The following CIT variants were observed in gnomAD, a reference collection of about 807,000 sequenced individuals.
CIT encodes citron Rho-interacting kinase.
CIT carries 79 observed loss-of-function variants against 272.7 expected under a neutral mutation model. The ratio of observed to expected loss-of-function variants is 0.29; its 90% CI spans 0.24 to 0.35. The LOEUF (loss-of-function observed/expected upper bound fraction) is 0.35. CIT is among the 10% of genes least tolerant of loss of function. CIT has a pLI of 1.00. For missense variants in CIT, 1,909 were observed against 2,618.3 expected, an observed-to-expected ratio of 0.73 and a Z score of 5.91; for synonymous variants, 948 against 995.6, an observed-to-expected ratio of 0.95 and a Z score of 0.90.
intron 46 of CIT, among the ~76,000 whole-genome samples, chr12:119,691,029 G>A (rs890697826): frequency 1.1e-4 from 17 of 152,050 alleles, no homozygotes; most frequent in African/African-American, 3.1e-4. Context: ...AAAATTAGCC[G>A]GGCGTGTTGG....
At chr12:119,759,637 C>T (rs1222754029) in intron 20 of CIT, among the ~76,000 whole-genome samples, 2 of 151,806 alleles carry the variant, frequency 1.3e-5, no homozygotes, top group Non-Finnish European at 2.9e-5. Context: ...CAGAGCAAGA[C>T]TCCGTCTCAA....
At chr12:119,836,084 C>T (rs562857685) in intron 5 of CIT, among the ~76,000 whole-genome samples, 4 of 151,804 alleles carry the variant, frequency 2.6e-5, no homozygotes, top group Admixed American at 6.6e-5. Context: ...GTCAAGAGAT[C>T]GAGACCACCC....
chr12:119,823,665 T>G (rs76703053), intron 8 of CIT, among the ~76,000 whole-genome samples: 2,233 of 152,192 alleles, frequency 0.015, 31 homozygotes, highest in Non-Finnish European at 0.02. Context: ...GAAAATTAGG[T>G]GAGATACAAA....
chr12:119,740,800 C>T (rs1024250618), intron 24 of CIT, among the ~76,000 whole-genome samples: 4 of 152,080 alleles, frequency 2.6e-5, no homozygotes. Context: ...AATCCTAGGG[C>T]AGAAAACTAC....
Position 119,735,322 on chromosome 12 carries a change from C to T in CIT, c.2994G>A (p.Leu998=). ...TGTTGAGTTCAGCGTTGTCCTCGGTCAGCTGGTTTAGCTGCTCCTCCAGGT... is the reference window on the plus strand; with the variant it reads ...TGTTGAGTTCAGCGTTGTCCTCGGTTAGCTGGTTTAGCTGCTCCTCCAGGT... ...ITDLEEQLNQ[L]TEDNAELNNQ... is the part of the protein sequence containing the mutation. Residue 998 remains leucine (L), a synonymous_variant, in exon 25 of 48, where the codon CTG becomes CTA. Coordinates refer to ENST00000392521, the MANE Select transcript of CIT (RefSeq NM_001206999.2). 6 of 1,614,184 alleles carry T rather than the reference C, an allele frequency of 3.7e-6. No homozygotes were observed. Among genetic ancestry groups the T allele is most frequent in the Non-Finnish European group, 5.1e-6 (6 of 1,180,036 alleles).
At chr12:119,849,236 G>A (rs575504581) in intron 5 of CIT, among the ~76,000 whole-genome samples, 4 of 152,244 alleles carry the variant, frequency 2.6e-5, no homozygotes, top group African/African-American at 7.2e-5. Context: ...CGGCCAGCCC[G>A]GCCAACGTGG....
rs148188101 is a variant in CIT, at chr12:119,705,771, CAAAAAAAA to C, written c.5212-1324_5212-1317del. Among the ~76,000 whole-genome samples the C allele has an allele frequency of 1.5e-4, 7 of 46,618 alleles. No individual in the cohort carries two copies. The Admixed American group carries it at 1.7e-3, about 12-fold the overall frequency. 30.6% of individuals were successfully genotyped at this position (46,618 alleles called of 152,430 possible). A position where few individuals can be genotyped will look rare whatever the true frequency, so the allele number is the denominator to read the frequency against. ...TGGGTGACAGAGTGAGACTCTGTCT[CAAAAAAAA>C]AAAAAAAAAAAAAAAAAAAAAAAAT... On this transcript the variant is annotated intron_variant, in intron 40 of 47. Transcript: ENST00000392521.
In CIT at chr12:119,765,294, T is replaced by C. The variant is rs971673448; in HGVS notation, c.2304+1793A>G. 2.7e-5 allele frequency among the ~76,000 whole-genome samples: 4 copies of C among 149,912 alleles called. No individual in the cohort carries two copies. In the East Asian group the frequency reaches 5.8e-4, roughly 22 times the overall value. On this transcript the variant is annotated intron_variant, in intron 19 of 47. Coordinates refer to ENST00000392521, the MANE Select transcript of CIT (RefSeq NM_001206999.2). Reference sequence around the variant, plus strand: ...GTCATGTGCCTATAGTCCCAGCTACTTGGGTGGCTGAGGAGGGAAGATCAC... The same window carrying C: ...GTCATGTGCCTATAGTCCCAGCTACCTGGGTGGCTGAGGAGGGAAGATCAC...
chr12:119,875,427 CA>C (rs1950813718), intron 2 of CIT, among the ~76,000 whole-genome samples: 1 of 152,034 alleles, frequency 6.6e-6, no homozygotes. Flanking sequence ...GTCTTTTTTC[CA>C]AAAGAATCAG....
At chr12:119,826,383 G>A (rs944128023) in intron 7 of CIT, among the ~76,000 whole-genome samples, 12 of 152,102 alleles carry the variant, frequency 7.9e-5, no homozygotes, top group Admixed American at 1.3e-4. Context: ...AAAGCTAAAT[G>A]TAACCCATTT....
chr12:119,769,607 T>C (rs7294387), intron 18 of CIT, among the ~76,000 whole-genome samples: 68,904 of 151,946 alleles, frequency 0.45, 16,373 homozygotes, highest in Admixed American at 0.56. Flanking sequence ...AATTTTATAC[T>C]CATGATAAAA....
At chr12:119,765,412 T>A (rs1232336069) in intron 19 of CIT, among the ~76,000 whole-genome samples, 1 of 145,202 alleles carries the variant, frequency 6.9e-6, no homozygotes, top group Non-Finnish European at 1.5e-5. Context: ...ATATAACATA[T>A]ATATATATTT....
At chr12:119,751,974 G>C in intron 23 of CIT, 76 bp downstream of exon 23, 21 of 1,291,998 alleles carry the variant, frequency 1.6e-5, no homozygotes, top group Non-Finnish European at 2.3e-5. Flanking sequence ...GGGTGAGCCA[G>C]TATACTCAGT....
chr12:119,766,164 C>T (rs1962431275), intron 19 of CIT, among the ~76,000 whole-genome samples: 1 of 151,984 alleles, frequency 6.6e-6, no homozygotes, highest in Non-Finnish European at 1.5e-5. Context: ...TGCAGCCAAT[C>T]ACCATGGCAC....
chr12:119,838,993 C>T lies in CIT; in HGVS notation c.517-4765G>A, dbSNP rs572757919. 5.9e-5 allele frequency among the ~76,000 whole-genome samples: 9 copies of T among 152,336 alleles called. No homozygotes were observed. The East Asian group carries it at 1.5e-3, about 26-fold the overall frequency. ...CAGAGAAAGCACAGCAGCTGACAGACGAGCCTGGCTTGGAGCTATAATGGA... is the reference window on the plus strand; with the variant it reads ...CAGAGAAAGCACAGCAGCTGACAGATGAGCCTGGCTTGGAGCTATAATGGA... On this transcript the variant is annotated intron_variant, in intron 5 of 47. Coordinates refer to ENST00000392521, the MANE Select transcript of CIT (RefSeq NM_001206999.2).
chr12:119,695,998 TG>T (rs1956204897), intron 46 of CIT, among the ~76,000 whole-genome samples: 1 of 152,226 alleles, frequency 6.6e-6, no homozygotes, highest in South Asian at 2.1e-4. Flanking sequence ...TTTCAATCCA[TG>T]GTTTATTGAA....
intron 9 of CIT, among the ~76,000 whole-genome samples, chr12:119,809,524 G>T (rs1481298552): frequency 6.6e-6 from 1 of 152,064 alleles, no homozygotes; most frequent in Non-Finnish European, 1.5e-5. Context: ...TGTTATTTAG[G>T]GGTGCTTTAG....
intron 23 of CIT, among the ~76,000 whole-genome samples, chr12:119,751,536 C>G (rs2137410663): frequency 6.6e-6 from 1 of 150,608 alleles, no homozygotes; most frequent in Non-Finnish European, 1.5e-5. Flanking sequence ...AAGAATCTTT[C>G]ATTCAGTAGA....
At chr12:119,725,249 C>G (rs1316326735) in intron 28 of CIT, among the ~76,000 whole-genome samples, 2 of 151,948 alleles carry the variant, frequency 1.3e-5, no homozygotes, top group Non-Finnish European at 2.9e-5. Context: ...ATCGTGAAAC[C>G]TTGTCTCTAC....
Sources: allele counts gnomAD v4.1 joint callset (sites outside exome capture counted in the v4.1 genomes callset), GRCh38; gene constraint gnomAD v4.1.1; transcripts MANE v1.5; gene names NCBI Gene and HGNC (gene_info 2026-07-23, HGNC 2026-07-21).